XPO6: variants seen among roughly 807,000 people sequenced by gnomAD.
XPO6 encodes exportin 6.
XPO6 carries 3 observed loss-of-function variants against 130.0 expected under a neutral mutation model. The ratio of observed to expected loss-of-function variants is 0.02; its 90% CI spans 0.01 to 0.06. The LOEUF (loss-of-function observed/expected upper bound fraction) is 0.06, where lower values mean the gene tolerates loss of function less well. XPO6 is among the 10% of genes least tolerant of loss of function. The probability of loss-of-function intolerance (pLI) is 1.00; values close to 1 mark genes in which losing one functional copy is unlikely to be tolerated. For synonymous variants in XPO6, 524 were observed against 548.9 expected, an observed-to-expected ratio of 0.95 and a Z score of 0.63; for missense variants, 970 against 1,393.0, an observed-to-expected ratio of 0.70 and a Z score of 4.83.
chr16:28,190,320 A>C (rs892873106), intron 1 of XPO6, among the ~76,000 whole-genome samples: 1 of 151,882 alleles, frequency 6.6e-6, no homozygotes, highest in Non-Finnish European at 1.5e-5. Flanking sequence ...CCCAGGTTCA[A>C]GCAATTCTCG....
chr16:28,142,955 C>A (rs1404973865), intron 9 of XPO6, among the ~76,000 whole-genome samples: 4 of 152,234 alleles, frequency 2.6e-5, no homozygotes, highest in African/African-American at 9.6e-5. Context: ...AAGTGATCCT[C>A]CTGCCTCAGT....
chr16:28,115,471 TC>T (rs1385702760), intron 15 of XPO6, among the ~76,000 whole-genome samples: 2 of 152,220 alleles, frequency 1.3e-5, no homozygotes, highest in African/African-American at 4.8e-5. Context: ...AATCTTTTTT[TC>T]TGAGCAGGTC....
rs115442728 is a variant in XPO6, at chr16:28,193,943, C to T, written c.4-12912G>A. 2.2e-3 allele frequency among the ~76,000 whole-genome samples: 342 copies of T among 152,266 alleles called. 3 individuals carry two copies. Among genetic ancestry groups the T allele is most frequent in the African/African-American group, 7.2e-3 (301 of 41,554 alleles). On this transcript the variant is annotated intron_variant, in intron 1 of 23. Coordinates refer to ENST00000304658, the MANE Select transcript of XPO6 (RefSeq NM_015171.4). ...TCCACCCCCAACAGGTGGCTGGGTACGCTTGTCCTGGGAAGGCCTTAGCAT... is the reference window on the plus strand; with the variant it reads ...TCCACCCCCAACAGGTGGCTGGGTATGCTTGTCCTGGGAAGGCCTTAGCAT...
chr16:28,157,252 T>C (rs1012751156), intron 6 of XPO6, among the ~76,000 whole-genome samples: 1 of 152,054 alleles, frequency 6.6e-6, no homozygotes, highest in Non-Finnish European at 1.5e-5. Context: ...AGGTCAGTAG[T>C]TCAAGACCAG....
chr16:28,141,726 C>T (rs763168225), intron 9 of XPO6, among the ~76,000 whole-genome samples: 1 of 152,128 alleles, frequency 6.6e-6, no homozygotes, highest in Non-Finnish European at 1.5e-5. Context: ...TTTGGGAGGC[C>T]GAGGCGGGTG....
intron 1 of XPO6, among the ~76,000 whole-genome samples, chr16:28,197,914 TAAAAAAA>T (rs56896819): frequency 1.5e-4 from 7 of 45,750 alleles, no homozygotes; most frequent in African/African-American, 5.6e-4. Context: ...GAGAGACTCT[TAAAAAAA>T]AAAAAAAAAA....
chr16:28,106,545 A>G lies in XPO6; in HGVS notation c.2498-48T>C. 6.7e-7 allele frequency: 1 copy of G among 1,495,834 alleles called. No homozygotes were observed. Among genetic ancestry groups the G allele is most frequent in the South Asian group, 1.1e-5 (1 of 88,600 alleles). The allele number at this position is 1,495,834 out of a possible 1,614,324, so 92.7% of individuals were successfully genotyped here. On this transcript the variant is annotated intron_variant, in intron 18 of 23. Transcript: ENST00000304658. This position sits in a 1 kb window ranked among gnomAD's most constrained non-coding sequence, Gnocchi z 4.2. The stretch of plus-strand genomic sequence containing the variant: ...CGTCAGAGGCTTGCACACAGTGAGA[A>G]CCAGAACCCTGGGCTTCATCAACCT...
intron 1 of XPO6, among the ~76,000 whole-genome samples, chr16:28,205,235 T>C (rs2044008912): frequency 6.6e-6 from 1 of 152,226 alleles, no homozygotes; most frequent in Admixed American, 6.5e-5. Flanking sequence ...TGTATATGTG[T>C]ACATAGGTAT....
In XPO6 at chr16:28,176,014, C is replaced by G; in HGVS notation, c.289G>C (p.Ala97Pro). 1 of 1,614,144 alleles carries G rather than the reference C, an allele frequency of 6.2e-7. No homozygotes were observed. The highest frequency in any genetic ancestry group is 8.5e-7 in the Non-Finnish European group (1 of 1,180,020). ...IRSCLPKLLL[A>P]HHKTLPYFIR... ...AAGTAAGGTAAGGTTTTATGGTGAG[C>G]CAAAAGGAGTTTGGGCAGACAGCTA... Residue 97 changes from alanine to proline, a missense_variant, in exon 4 of 24, where the codon GCT (alanine) becomes CCT (proline). Ala to Pro is a conservative substitution (Grantham distance 27, BLOSUM62 -1). This residue lies in a region of XPO6 where 936 missense variants were observed against 1,306.8 expected (regional missense o/e 0.72). Transcript: ENST00000304658.
chr16:28,163,466 T>C (rs1346142690), intron 6 of XPO6, among the ~76,000 whole-genome samples: 1 of 152,220 alleles, frequency 6.6e-6, no homozygotes, highest in African/African-American at 2.4e-5. Flanking sequence ...TAACTCAGAA[T>C]TGCTGTAGTC....
rs2043937638 is a variant in XPO6 at position 28,200,488 on chromosome 16, T to TC, written c.3+10877dup. ...CAAGTCATACTACTTTTTCTTTCTT[T>TC]CTTTTTTTTTTTGAGACGGAGTTTC... On this transcript the variant is annotated intron_variant, in intron 1 of 23. Transcript: ENST00000304658. Among the ~76,000 whole-genome samples the TC allele has an allele frequency of 2.6e-5, 4 of 152,012 alleles. 1 individual carries two copies. The South Asian group carries it at 8.3e-4, about 32-fold the overall frequency.
intron 2 of XPO6, among the ~76,000 whole-genome samples, chr16:28,178,034 G>A (rs1259828465): frequency 2.0e-5 from 3 of 152,180 alleles, no homozygotes; most frequent in African/African-American, 7.2e-5. Flanking sequence ...CCACAAGGCA[G>A]CAAGCATTAC....
At chr16:28,206,180 A>G (rs187212780) in intron 1 of XPO6, among the ~76,000 whole-genome samples, 17 of 151,712 alleles carry the variant, frequency 1.1e-4, no homozygotes, top group Admixed American at 4.0e-4. Context: ...ATTAACTATT[A>G]TATTGTTAGA....
chr16:28,209,379 C>T (rs1017918010), intron 1 of XPO6, among the ~76,000 whole-genome samples: 1 of 152,144 alleles, frequency 6.6e-6, no homozygotes, highest in Non-Finnish European at 1.5e-5. Context: ...ATGGCTCATG[C>T]ATGTAATCTC....
chr16:28,113,074 A>G, intron 15 of XPO6, 24 bp from the exon 16 acceptor site: 1 of 1,608,546 alleles, frequency 6.2e-7, no homozygotes, highest in Non-Finnish European at 8.5e-7. Context: ...AGGGCACGTC[A>G]GCTCACCACA....
intron 5 of XPO6, chr16:28,167,315 C>A: frequency 9.1e-6 from 9 of 985,470 alleles, no homozygotes; most frequent in Non-Finnish European, 1.1e-5. Context: ...AAACCTGCCA[C>A]CAATCCTTTT....
intron 3 of XPO6, among the ~76,000 whole-genome samples, chr16:28,176,720 GGATGGTCTCCATCTCCT>G (rs1567639894): frequency 6.7e-6 from 1 of 150,162 alleles, no homozygotes; most frequent in Non-Finnish European, 1.5e-5. Flanking sequence ...TTATTAGCCA[GGATGGTCTCCATCTCCT>G]GACCTCATTG....
At chr16:28,152,511 G>A (rs751872931) in intron 8 of XPO6, 148 bp downstream of exon 8, 25 of 978,582 alleles carry the variant, frequency 2.6e-5, no homozygotes, top group Non-Finnish European at 3.4e-5. Context: ...TCACAGGGAT[G>A]TTAGGAAGAT....
intron 1 of XPO6, among the ~76,000 whole-genome samples, chr16:28,200,580 G>A (rs940074213): frequency 2.0e-5 from 3 of 151,994 alleles, no homozygotes; most frequent in African/African-American, 7.3e-5. Flanking sequence ...TGAGCAACAG[G>A]TAAAGATTCC....
Sources: gnomAD v4.1 joint callset for allele counts (sites outside exome capture counted in the v4.1 genomes callset) on GRCh38, gnomAD v4.1.1 for gene constraint, gnomAD v4.1.1 regional missense constraint, Gnocchi (gnomAD v3.1) non-coding constraint, MANE v1.5 for transcripts, NCBI Gene and HGNC (gene_info 2026-07-23, HGNC 2026-07-21) for gene names.